PHACTR4: variants seen among roughly 807,000 people sequenced by gnomAD.
PHACTR4 encodes the protein protein phosphatase 1, regulatory subunit 124.
PHACTR4 carries 51 observed loss-of-function variants against 72.7 expected under a neutral mutation model. That is an observed-to-expected ratio of 0.70 (90% CI 0.56 to 0.89). The LOEUF (loss-of-function observed/expected upper bound fraction) is 0.89. PHACTR4 is among the 40% of genes least tolerant of loss of function. PHACTR4 has a pLI of 0.00. For synonymous variants in PHACTR4, 255 were observed against 302.5 expected, an observed-to-expected ratio of 0.84 and a Z score of 1.63; for missense variants, 731 against 861.8, an observed-to-expected ratio of 0.85 and a Z score of 1.90.
chr1:28,455,609 C>T (rs1265449624), intron 2 of PHACTR4, among the ~76,000 whole-genome samples: 1 of 152,164 alleles, frequency 6.6e-6, no homozygotes, highest in Non-Finnish European at 1.5e-5. Flanking sequence ...GGGTTTAACA[C>T]ACCTGACTGA....
chr1:28,413,308 G>A (rs1472731429), intron 2 of PHACTR4, among the ~76,000 whole-genome samples: 1 of 152,186 alleles, frequency 6.6e-6, no homozygotes, highest in Non-Finnish European at 1.5e-5. Flanking sequence ...GGTGATGACA[G>A]CTTTCAATAT....
chr1:28,482,938 C>CA (rs746000955), intron 9 of PHACTR4, among the ~76,000 whole-genome samples: 1,831 of 118,820 alleles, frequency 0.015, 29 homozygotes, highest in African/African-American at 0.048. Flanking sequence ...AACCCTGTCT[C>CA]AAAAAAAAAA....
intron 7 of PHACTR4, 139 bp downstream of exon 7, chr1:28,474,290 C>G: frequency 1.3e-6 from 1 of 765,138 alleles, no homozygotes; most frequent in Non-Finnish European, 2.1e-6. Flanking sequence ...GAAGCTGAGG[C>G]AAATGGACCG....
At chr1:28,471,297 CGAGATGGCGCCATTGCACTCCA>C (rs1399355239) in intron 6 of PHACTR4, among the ~76,000 whole-genome samples, 1 of 151,340 alleles carries the variant, frequency 6.6e-6, no homozygotes, top group Non-Finnish European at 1.5e-5. Flanking sequence ...TGCAGTTAGC[CGAGATGGCGCCATTGCACTCCA>C]GCCTGGGCAA....
chr1:28,396,363 C>G (rs970176245), intron 1 of PHACTR4, among the ~76,000 whole-genome samples: 4 of 151,542 alleles, frequency 2.6e-5, no homozygotes, highest in African/African-American at 9.7e-5. Context: ...GAAATCTCGT[C>G]TCTACAAAAA....
chr1:28,468,500 G>C (rs1189106219), intron 6 of PHACTR4, among the ~76,000 whole-genome samples: 44 of 152,194 alleles, frequency 2.9e-4, no homozygotes, highest in Non-Finnish European at 1.5e-5. Flanking sequence ...GCTGAAGCAG[G>C]AGAATTGCTT....
Position 28,395,863 on chromosome 1 carries a change from G to A in PHACTR4, c.-38-11547G>A, listed in dbSNP as rs1463137706. 6.6e-4 allele frequency among the ~76,000 whole-genome samples: 59 copies of A among 88,906 alleles called. 1 individual carries two copies. The highest frequency in any genetic ancestry group is 0.015 in the Middle Eastern group (2 of 136). 58.3% of individuals were successfully genotyped at this position (88,906 alleles called of 152,430 possible). ...TTTTTAGTAGAGACGGGGTTTCACC[G>A]TGTTAGCCAGGATGGTCTCGATCTC... is the stretch of plus-strand genomic sequence containing the variant. On this transcript the variant is annotated intron_variant, in intron 1 of 13. Coordinates refer to ENST00000373839, the MANE Select transcript of PHACTR4 (RefSeq NM_001048183.3).
chr1:28,427,252 G>A (rs1178652218), intron 2 of PHACTR4, among the ~76,000 whole-genome samples: 5 of 152,064 alleles, frequency 3.3e-5, no homozygotes, highest in Admixed American at 6.6e-5. Flanking sequence ...TTGGCCGGAC[G>A]CAGTGGCTCA....
chr1:28,489,694 A>G (rs1204496288), intron 10 of PHACTR4: 12 of 492,632 alleles, frequency 2.4e-5, no homozygotes, highest in Non-Finnish European at 2.0e-5. Context: ...GGGACCATAT[A>G]TTTAATTTGC....
chr1:28,402,845 T>G (rs545927646), intron 1 of PHACTR4, among the ~76,000 whole-genome samples: 1 of 152,308 alleles, frequency 6.6e-6, no homozygotes, highest in South Asian at 2.1e-4. Flanking sequence ...ATGGAAACTT[T>G]CCATCACAAA....
At chr1:28,493,479 A>G (rs1358369799) in intron 13 of PHACTR4, among the ~76,000 whole-genome samples, 1 of 151,676 alleles carries the variant, frequency 6.6e-6, no homozygotes, top group African/African-American at 2.4e-5. Flanking sequence ...TGGAGGTTGT[A>G]GTGAGCTGAG....
rs374682041 is a variant in PHACTR4 at position 28,426,629 on chromosome 1, A to G, written c.16+19166A>G. ...CAGTGAGCCGAGATTGCACCACTGC[A>G]CTCCAACCTGGGCGACAGAGCGAGA... On this transcript the variant is annotated intron_variant, in intron 2 of 13. Coordinates refer to ENST00000373839, the MANE Select transcript of PHACTR4 (RefSeq NM_001048183.3). Among the ~76,000 whole-genome samples the G allele has an allele frequency of 3.2e-4, 48 of 151,560 alleles. 4 individuals carry two copies. The highest frequency in any genetic ancestry group is 2.0e-3 in the Admixed American group (30 of 15,188).
intron 2 of PHACTR4, among the ~76,000 whole-genome samples, chr1:28,446,147 A>G (rs1229817865): frequency 1.3e-5 from 2 of 152,232 alleles, no homozygotes; most frequent in Non-Finnish European, 2.9e-5. Context: ...CTTTTAAAAA[A>G]GGAGAAACAG....
intron 2 of PHACTR4, chr1:28,453,648 T>C: frequency 7.8e-7 from 1 of 1,287,174 alleles, no homozygotes; most frequent in Non-Finnish European, 1.1e-6. Flanking sequence ...GACTCGGTTC[T>C]AACATCCAAA....
intron 2 of PHACTR4, chr1:28,438,487 AGGTGAAC>A: frequency 6.3e-7 from 1 of 1,583,408 alleles, no homozygotes; most frequent in Non-Finnish European, 8.7e-7. Flanking sequence ...GCAGATTTAC[AGGTGAAC>A]TTGAGTATTT....
chr1:28,379,316 G>A (rs2124130621), intron 1 of PHACTR4, among the ~76,000 whole-genome samples: 1 of 149,650 alleles, frequency 6.7e-6, no homozygotes, highest in Non-Finnish European at 1.5e-5. Context: ...CACCCAGGCT[G>A]GAGTGCAGTG....
At chr1:28,452,970 T>C (rs1323614097) in intron 2 of PHACTR4, among the ~76,000 whole-genome samples, 1 of 151,938 alleles carries the variant, frequency 6.6e-6, no homozygotes, top group East Asian at 1.9e-4. Context: ...AATACAAAAG[T>C]TAGCCGGGTG....
intron 2 of PHACTR4, among the ~76,000 whole-genome samples, chr1:28,414,597 T>A (rs747886975): frequency 6.6e-6 from 1 of 151,716 alleles, no homozygotes; most frequent in Non-Finnish European, 1.5e-5. Context: ...AGGCTGGTCT[T>A]GAACTCCTGG....
At chr1:28,402,253 A>G (rs2124254992) in intron 1 of PHACTR4, among the ~76,000 whole-genome samples, 1 of 152,214 alleles carries the variant, frequency 6.6e-6, no homozygotes, top group East Asian at 1.9e-4. Flanking sequence ...ACTCATGAAT[A>G]GGGAATACCT....
Sources: allele counts gnomAD v4.1 joint callset (sites outside exome capture counted in the v4.1 genomes callset), GRCh38; gene constraint gnomAD v4.1.1; transcripts MANE v1.5; gene names NCBI Gene and HGNC (gene_info 2026-07-23, HGNC 2026-07-21).